The following PDGFB variants were observed in gnomAD, a reference collection of about 807,000 sequenced individuals.
The protein encoded by PDGFB is platelet-derived growth factor subunit B.
A neutral mutation model predicts 29.0 loss-of-function variants in PDGFB; 6 were observed. The observed-to-expected ratio is 0.21, with a 90% CI of 0.11 to 0.41. PDGFB has a LOEUF of 0.41. Ranked by LOEUF, PDGFB falls within the 10% of genes least tolerant of loss-of-function variation. The probability of loss-of-function intolerance (pLI) is 1.00; values close to 1 mark genes in which losing one functional copy is unlikely to be tolerated. For missense variants in PDGFB, 299 were observed against 341.8 expected, an observed-to-expected ratio of 0.87 and a Z score of 0.99; for synonymous variants, 144 against 140.8, an observed-to-expected ratio of 1.02 and a Z score of -0.16.
chr22:39,231,285 C>T lies in PDGFB; in HGVS notation c.456+337G>A, dbSNP rs886321210. ...GTCAGATAAATGTTTGCGGATACGGCTCTTCAAGGGACGTTTTGCGATTTT... is the reference window on the plus strand; with the variant it reads ...GTCAGATAAATGTTTGCGGATACGGTTCTTCAAGGGACGTTTTGCGATTTT... On this transcript the variant is annotated intron_variant, in intron 4 of 6. Transcript: ENST00000331163. This position sits in a 1 kb window ranked among gnomAD's most constrained non-coding sequence, Gnocchi z 4.3. 5.9e-5 allele frequency among the ~76,000 whole-genome samples: 9 copies of T among 152,228 alleles called. No homozygotes were observed. The highest frequency in any genetic ancestry group is 1.2e-4 in the African/African-American group (5 of 41,460).
chr22:39,239,401 G>C (rs539768584), intron 1 of PDGFB, among the ~76,000 whole-genome samples: 1 of 152,246 alleles, frequency 6.6e-6, no homozygotes, highest in South Asian at 2.1e-4. Context: ...TCCGGGGCTG[G>C]GGGTGGGTGA....
At position 39,244,398 on chromosome 22, in the gene PDGFB, G is replaced by A. The variant is rs1601604682; in HGVS notation, c.-435C>T. 2 of 188,102 alleles carry A rather than the reference G, an allele frequency of 1.1e-5. No homozygotes were observed. Among genetic ancestry groups the A allele is most frequent in the African/African-American group, 4.7e-5 (2 of 42,694 alleles). 11.7% of individuals were successfully genotyped at this position (188,102 alleles called of 1,614,324 possible). On this transcript the variant is annotated 5_prime_UTR_variant, in exon 1 of 7. An upstream open reading frame in the 5' UTR gains an earlier in-frame stop. Coordinates refer to ENST00000331163, the MANE Select transcript of PDGFB (RefSeq NM_002608.4). The surrounding 1 kb of genome is among the most constrained non-coding windows in gnomAD (Gnocchi z 4.5). Reference sequence around the variant, plus strand: ...CTCTGCCCGCCGGCTTAGCTTTTTTGCAACATTTTCTGGAAAGGCCCCCAA... The same window carrying A: ...CTCTGCCCGCCGGCTTAGCTTTTTTACAACATTTTCTGGAAAGGCCCCCAA...
In PDGFB at chr22:39,230,020, C is replaced by G. The variant is rs1026599830; in HGVS notation, c.601+64G>C. 20 of 1,558,880 alleles carry G rather than the reference C, an allele frequency of 1.3e-5. No individual in the cohort carries two copies. In the East Asian group the frequency reaches 4.5e-4, roughly 35 times the overall value. On this transcript the variant is annotated intron_variant, in intron 5 of 6. Coordinates refer to ENST00000331163, the MANE Select transcript of PDGFB (RefSeq NM_002608.4). The stretch of plus-strand genomic sequence containing the variant: ...CTGATCCCATTTCCATTTTTAAGAC[C>G]GGCCCCTGCCCCCAGCTGCTGCAGG...
At position 39,226,982 on chromosome 22, in the gene PDGFB, G is replaced by A. The variant is rs934182358; in HGVS notation, c.602-1135C>T. 6.6e-5 allele frequency among the ~76,000 whole-genome samples: 10 copies of A among 152,310 alleles called. No homozygotes were observed. In the East Asian group the frequency reaches 9.7e-4, roughly 15 times the overall value. On this transcript the variant is annotated intron_variant, in intron 5 of 6. Transcript: ENST00000331163. ...ATCTTTATTTATTTGTTTTTAAGAT[G>A]GAGGCTCACTCTGTTGCCCAGGTTG...
chr22:39,243,652 C>A lies in PDGFB; in HGVS notation c.63+249G>T, dbSNP rs1200917568. 6.6e-6 allele frequency among the ~76,000 whole-genome samples: 1 copy of A among 152,136 alleles called. No individual in the cohort carries two copies. The highest frequency in any genetic ancestry group is 2.4e-5 in the African/African-American group (1 of 41,434). ...GGGGGACAGGGCCACACACACCCTC[C>A]CCCGACACGGAACGGCTTAGGGAGC... On this transcript the variant is annotated intron_variant, in intron 1 of 6. Transcript: ENST00000331163. This position sits in a 1 kb window ranked among gnomAD's most constrained non-coding sequence, Gnocchi z 6.4.
At chr22:39,228,554 T>C (rs950810071) in intron 5 of PDGFB, among the ~76,000 whole-genome samples, 1 of 150,606 alleles carries the variant, frequency 6.6e-6, no homozygotes, top group Non-Finnish European at 1.5e-5. Flanking sequence ...GATCATGCCA[T>C]TGCACTCCAG....
rs570696868 is a variant in PDGFB, at chr22:39,233,979, C to T, written c.161-455G>A. Among the ~76,000 whole-genome samples, 20 of 134,174 alleles carry T rather than the reference C, an allele frequency of 1.5e-4. 1 individual carries two copies. In the South Asian group the frequency reaches 3.0e-3, roughly 20 times the overall value. The allele number at this position is 134,174 out of a possible 152,430, so 88.0% of individuals were successfully genotyped here. ...CCTGAACACAGCCCCTCTGGAGCCCCGGACAATGGCCGCGCTGGGCAGGCG... is the reference window on the plus strand; with the variant it reads ...CCTGAACACAGCCCCTCTGGAGCCCTGGACAATGGCCGCGCTGGGCAGGCG... On this transcript the variant is annotated intron_variant, in intron 2 of 6. Transcript: ENST00000331163.
At position 39,231,890 on chromosome 22, in the gene PDGFB, G is replaced by C. The variant is rs1932317869; in HGVS notation, c.251-63C>G. 6.8e-7 allele frequency: 1 copy of C among 1,461,168 alleles called. No homozygotes were observed. The highest frequency in any genetic ancestry group is 9.4e-7 in the Non-Finnish European group (1 of 1,068,348). 90.5% of individuals were successfully genotyped at this position (1,461,168 alleles called of 1,614,324 possible). A position where few individuals can be genotyped will look rare whatever the true frequency, so the allele number is the denominator to read the frequency against. On this transcript the variant is annotated intron_variant, in intron 3 of 6. Coordinates refer to ENST00000331163, the MANE Select transcript of PDGFB (RefSeq NM_002608.4). The surrounding 1 kb of genome is among the most constrained non-coding windows in gnomAD (Gnocchi z 4.3). ...TGTCCAGAGTCCCCCCACTTGGCAG[G>C]GGAGCTCAGCGGGTGCCTCCGGGAC...
At position 39,231,875 on chromosome 22, in the gene PDGFB, C is replaced by T; in HGVS notation, c.251-48G>A. On this transcript the variant is annotated intron_variant, in intron 3 of 6. Transcript: ENST00000331163. This position sits in a 1 kb window ranked among gnomAD's most constrained non-coding sequence, Gnocchi z 4.3. ...TCAGGAGCGTAGGCCTGTCCAGAGTCCCCCCACTTGGCAGGGGAGCTCAGC... is the reference window on the plus strand; with the variant it reads ...TCAGGAGCGTAGGCCTGTCCAGAGTTCCCCCACTTGGCAGGGGAGCTCAGC... 1 of 1,532,276 alleles carries T rather than the reference C, an allele frequency of 6.5e-7. No individual in the cohort carries two copies. Among genetic ancestry groups the T allele is most frequent in the Non-Finnish European group, 8.9e-7 (1 of 1,123,278 alleles). The allele number at this position is 1,532,276 out of a possible 1,614,324, so 94.9% of individuals were successfully genotyped here. A position where few individuals can be genotyped will look rare whatever the true frequency, so the allele number is the denominator to read the frequency against.
chr22:39,233,304 A>G (rs1601598671), intron 3 of PDGFB, 131 bp downstream of exon 3: 2 of 612,082 alleles, frequency 3.3e-6, no homozygotes, highest in Admixed American at 3.6e-5. Flanking sequence ...CAGTTCGCTC[A>G]GTCCTGAATG....
At chr22:39,233,680 A>C (rs988550137) in intron 2 of PDGFB, among the ~76,000 whole-genome samples, 156 bp from the exon 3 acceptor site, 5 of 152,080 alleles carry the variant, frequency 3.3e-5, no homozygotes, top group Admixed American at 2.6e-4. Flanking sequence ...CCTGGCCCTG[A>C]GCAGGGACCC....
rs144254032 is a variant in PDGFB at position 39,234,522 on chromosome 22, C to T, written c.161-998G>A. ...CCAGTTCTGGCACCGACCCACTGGC[C>T]CCATCCAAGACAAAGGCGCCTGCCG... On this transcript the variant is annotated intron_variant, in intron 2 of 6. Transcript: ENST00000331163. 4.4e-3 allele frequency among the ~76,000 whole-genome samples: 666 copies of T among 152,336 alleles called. 6 individuals are homozygous for T. Among genetic ancestry groups the T allele is most frequent in the South Asian group, 0.012 (56 of 4,834 alleles).
intron 4 of PDGFB, among the ~76,000 whole-genome samples, chr22:39,230,759 G>A (rs1458713581): frequency 6.6e-6 from 1 of 152,370 alleles, no homozygotes; most frequent in East Asian, 1.9e-4. Context: ...AGGGAAGGTG[G>A]GCAGGAGGAG....
Position 39,241,012 on chromosome 22 carries a change from C to T in PDGFB, c.63+2889G>A. On this transcript the variant is annotated intron_variant, in intron 1 of 6. Coordinates refer to ENST00000331163, the MANE Select transcript of PDGFB (RefSeq NM_002608.4). ...ATTCTGTTTGACCTGCCCTTGCACA[C>T]CTCCAGGGCTCTGGGATTCCAGCAG... 3.3e-6 allele frequency: 3 copies of T among 899,252 alleles called. No individual in the cohort carries two copies. In the South Asian group the frequency reaches 4.2e-5, roughly 13 times the overall value. 55.7% of individuals were successfully genotyped at this position (899,252 alleles called of 1,614,324 possible).
In PDGFB at chr22:39,235,797, C is replaced by A. The variant is rs1932428249; in HGVS notation, c.141G>T (p.Leu47=). 1 of 1,613,184 alleles carries A rather than the reference C, an allele frequency of 6.2e-7. No homozygotes were observed. Among genetic ancestry groups the A allele is most frequent in the African/African-American group, 1.3e-5 (1 of 74,936 alleles). The stretch of plus-strand genomic sequence containing the variant: ...ATTTACCTCCGGGGTCTCCGTGCAG[C>A]AGGCGTTGGAGATCATCAAAGGAGC... ...SIRSFDDLQR[L]LHGDPGEEDG... is the part of the protein sequence containing the mutation. Residue 47 remains leucine, a synonymous_variant, in exon 2 of 7, where the codon CTG becomes CTT. Coordinates refer to ENST00000331163, the MANE Select transcript of PDGFB (RefSeq NM_002608.4).
At chr22:39,230,340 G>C (rs764283730) in intron 4 of PDGFB, 112 bp from the exon 5 acceptor site, 51 of 1,088,024 alleles carry the variant, frequency 4.7e-5, no homozygotes, top group East Asian at 4.1e-4. Context: ...ATCTTTCCTC[G>C]AAAGCCCGGA....
Position 39,231,928 on chromosome 22 carries a change from C to T in PDGFB, c.251-101G>A, listed in dbSNP as rs556968066. 68 of 936,940 alleles carry T rather than the reference C, an allele frequency of 7.3e-5. 1 individual carries two copies. In the South Asian group the frequency reaches 9.4e-4, roughly 13 times the overall value. The allele number at this position is 936,940 out of a possible 1,614,324, so 58.0% of individuals were successfully genotyped here. A position where few individuals can be genotyped will look rare whatever the true frequency, so the allele number is the denominator to read the frequency against. ...GTGCCTCCGGGACTGCTCTTTCTCA[C>T]GCCCTTCAACCCCAGGGTTCAGGTT... On this transcript the variant is annotated intron_variant, in intron 3 of 6. Coordinates refer to ENST00000331163, the MANE Select transcript of PDGFB (RefSeq NM_002608.4). This position sits in a 1 kb window ranked among gnomAD's most constrained non-coding sequence, Gnocchi z 4.3.
Position 39,243,840 on chromosome 22 carries a change from T to C in PDGFB, c.63+61A>G. Reference sequence around the variant, plus strand: ...TCACTGCAGGGAGAGGAGGGGGCGGTCAGAAGGGGGGGGCGAAGGTAATGA... The same window carrying C: ...TCACTGCAGGGAGAGGAGGGGGCGGCCAGAAGGGGGGGGCGAAGGTAATGA... On this transcript the variant is annotated intron_variant, in intron 1 of 6. Coordinates refer to ENST00000331163, the MANE Select transcript of PDGFB (RefSeq NM_002608.4). The surrounding 1 kb of genome is among the most constrained non-coding windows in gnomAD (Gnocchi z 6.4). The C allele has an allele frequency of 7.3e-7, 1 of 1,377,736 alleles. No homozygotes were observed. Among genetic ancestry groups the C allele is most frequent in the Non-Finnish European group, 1.0e-6 (1 of 991,228 alleles). The allele number at this position is 1,377,736 out of a possible 1,614,324, so 85.3% of individuals were successfully genotyped here. A position where few individuals can be genotyped will look rare whatever the true frequency, so the allele number is the denominator to read the frequency against.
At position 39,223,398 on chromosome 22, in the gene PDGFB, C is replaced by A. The variant is rs745591501; in HGVS notation, c.*1944G>T. The A allele has an allele frequency of 2.0e-5, 3 of 152,258 alleles. No individual in the cohort carries two copies. Among genetic ancestry groups the A allele is most frequent in the Admixed American group, 1.3e-4 (2 of 15,286 alleles). 9.4% of individuals were successfully genotyped at this position (152,258 alleles called of 1,614,324 possible). ...CTCTCGTCACTGCCAGAGACACGCA[C>A]AAGTCCACGTGTCAGGAGCTGTGCC... On this transcript the variant is annotated 3_prime_UTR_variant, in exon 7 of 7. Transcript: ENST00000331163.
Sources: gnomAD v4.1 joint callset for allele counts (sites outside exome capture counted in the v4.1 genomes callset) on GRCh38, gnomAD v4.1.1 for gene constraint, Gnocchi (gnomAD v3.1) non-coding constraint, MANE v1.5 for transcripts, NCBI Gene and HGNC (gene_info 2026-07-23, HGNC 2026-07-21) for gene names.